The following NAALADL2 variants were observed in gnomAD, a reference collection of about 807,000 sequenced individuals.
NAALADL2 encodes N-acetylated alpha-linked acidic dipeptidase like 2.
NAALADL2 carries 76 observed loss-of-function variants against 87.2 expected under a neutral mutation model. The observed-to-expected ratio is 0.87, with a 90% CI of 0.72 to 1.05. The LOEUF is 1.05. Ranked by LOEUF, NAALADL2 falls within the 50% of genes least tolerant of loss-of-function variation. The pLI is 0.00. For missense variants in NAALADL2, 1,089 were observed against 945.8 expected (o/e 1.15, Z -1.99); for synonymous variants, 354 against 331.0 (o/e 1.07, Z -0.75).
chr3:175,242,580 C>T (rs1747126204), intron 3 of NAALADL2: 1 of 152,162 alleles, frequency 6.6e-6, no homozygotes, highest in Non-Finnish European at 1.5e-5. Flanking sequence ...AGTTGAGTAT[C>T]ATTTATTAAA....
intron 1 of NAALADL2, among the ~76,000 whole-genome samples, chr3:174,907,670 C>A (rs1424882039): frequency 3.9e-5 from 6 of 152,020 alleles, no homozygotes; most frequent in Non-Finnish European, 8.8e-5. Context: ...GATGACATCA[C>A]AAAGTTGTTG....
At chr3:175,045,626 A>G (rs932217472) in intron 1 of NAALADL2, among the ~76,000 whole-genome samples, 3 of 152,198 alleles carry the variant, frequency 2.0e-5, no homozygotes, top group Admixed American at 6.5e-5. Flanking sequence ...TACTCACAGT[A>G]TAGCGGCCAG....
intron 1 of NAALADL2, among the ~76,000 whole-genome samples, chr3:175,027,547 C>T (rs950842261): frequency 1.3e-5 from 2 of 152,002 alleles, no homozygotes; most frequent in African/African-American, 2.4e-5. Context: ...CTCTAATAAC[C>T]GTGATGATAC....
intron 9 of NAALADL2, among the ~76,000 whole-genome samples, chr3:175,554,298 G>A (rs1397352871): frequency 6.6e-6 from 1 of 152,088 alleles, no homozygotes; most frequent in Non-Finnish European, 1.5e-5. Flanking sequence ...GAAGCCCTTG[G>A]AAAGTTTAAC....
intron 1 of NAALADL2, among the ~76,000 whole-genome samples, chr3:174,864,865 T>C (rs1268863651): frequency 6.6e-6 from 1 of 152,012 alleles, no homozygotes; most frequent in Non-Finnish European, 1.5e-5. Context: ...TATTGGAAAG[T>C]ATTAGACTTG....
intron 4 of NAALADL2, among the ~76,000 whole-genome samples, chr3:175,265,600 C>T (rs1267242900): frequency 6.6e-6 from 1 of 151,430 alleles, no homozygotes; most frequent in Admixed American, 6.6e-5. Context: ...CTATCTGTTA[C>T]TATAAAATAT....
At chr3:175,602,078 G>A (rs1723043403) in intron 10 of NAALADL2, among the ~76,000 whole-genome samples, 1 of 152,138 alleles carries the variant, frequency 6.6e-6, no homozygotes, top group South Asian at 2.1e-4. Context: ...TGTTATGTGT[G>A]TAGGGAGTTT....
intron 9 of NAALADL2, among the ~76,000 whole-genome samples, chr3:175,568,847 G>A (rs1356344709): frequency 6.6e-6 from 1 of 152,168 alleles, no homozygotes; most frequent in Non-Finnish European, 1.5e-5. Context: ...TCAGCAAAGT[G>A]TCTCATAACT....
At chr3:175,323,746 A>G (rs575022344) in intron 4 of NAALADL2, among the ~76,000 whole-genome samples, 20 of 151,714 alleles carry the variant, frequency 1.3e-4, no homozygotes, top group Admixed American at 6.6e-4. Context: ...GGCCGGGTGC[A>G]GTGGCTCACG....
chr3:174,612,436 G>A (rs1423342867), intron 2 of NAALADL2, among the ~76,000 whole-genome samples: 4 of 151,856 alleles, frequency 2.6e-5, no homozygotes, highest in African/African-American at 9.7e-5. Context: ...TTTACCTTTT[G>A]AAGACTATTT....
At chr3:175,729,162 TC>T (rs560572500) in intron 11 of NAALADL2, among the ~76,000 whole-genome samples, 44 of 152,322 alleles carry the variant, frequency 2.9e-4, no homozygotes, top group African/African-American at 1.0e-3. Flanking sequence ...AACTTCTTTT[TC>T]CAATTGTGTA....
intron 3 of NAALADL2, among the ~76,000 whole-genome samples, chr3:174,823,321 A>T (rs1188587163): frequency 1.3e-5 from 2 of 151,966 alleles, no homozygotes; most frequent in East Asian, 3.9e-4. Flanking sequence ...TCATTGCAAG[A>T]TCCTAATTAA....
chr3:174,725,539 T>C (rs1461848619), intron 2 of NAALADL2, among the ~76,000 whole-genome samples: 1 of 152,202 alleles, frequency 6.6e-6, no homozygotes, highest in Non-Finnish European at 1.5e-5. Flanking sequence ...TATAAACCAT[T>C]TCGTAATTTC....
intron 5 of NAALADL2, among the ~76,000 whole-genome samples, chr3:175,350,621 A>G (rs570311737): frequency 2.0e-5 from 3 of 152,264 alleles, no homozygotes; most frequent in African/African-American, 7.2e-5. Context: ...CCTGCTAAAG[A>G]TTCAGGTGAG....
At chr3:175,544,312 C>A (rs1347286210) in intron 9 of NAALADL2, among the ~76,000 whole-genome samples, 1 of 152,116 alleles carries the variant, frequency 6.6e-6, no homozygotes, top group African/African-American at 2.4e-5. Context: ...CAGGAAATTT[C>A]TGATTCAAAC....
intron 2 of NAALADL2, among the ~76,000 whole-genome samples, chr3:174,715,045 A>G (rs1731052434): frequency 6.6e-6 from 1 of 152,162 alleles, no homozygotes; most frequent in Non-Finnish European, 1.5e-5. Flanking sequence ...TTCTGCATCT[A>G]TTGAGATAAT....
chr3:174,987,461 T>C (rs112195284), intron 1 of NAALADL2, among the ~76,000 whole-genome samples: 3,188 of 139,200 alleles, frequency 0.023, 128 homozygotes, highest in African/African-American at 0.084. Flanking sequence ...CCCAGCTACT[T>C]GGGAGGCTGA....
rs139298739 is a variant in NAALADL2 at position 175,174,843 on chromosome 3, G to GACAC, written c.546-59070_546-59067dup. ...ATGTATACACACACACATGCACACA[G>GACAC]ACACACACACACACACACACATATC... On this transcript the variant is annotated intron_variant, in intron 2 of 13. Transcript: ENST00000454872. Among the ~76,000 whole-genome samples the GACAC allele has an allele frequency of 8.2e-3, 1,235 of 150,664 alleles. 20 individuals carry two copies. The highest frequency in any genetic ancestry group is 0.028 in the African/African-American group (1,155 of 41,056).
At chr3:174,771,888 A>G (rs1714611644) in intron 3 of NAALADL2, among the ~76,000 whole-genome samples, 1 of 152,172 alleles carries the variant, frequency 6.6e-6, no homozygotes, top group African/African-American at 2.4e-5. Flanking sequence ...TGATGGAGAA[A>G]TAAGGAAAAG....
Sources: gnomAD v4.1 joint callset for allele counts (sites outside exome capture counted in the v4.1 genomes callset) on GRCh38, gnomAD v4.1.1 for gene constraint, MANE v1.5 for transcripts, NCBI Gene and HGNC (gene_info 2026-07-23, HGNC 2026-07-21) for gene names.